The following ENTREP2 variants were observed in gnomAD, a reference collection of about 807,000 sequenced individuals.
ENTREP2 encodes the protein endosomal transmembrane epsin interactor 2, also known as protein ENTREP2.
At chr15:29,269,416 A>T in the ENTREP2 span, 1 of 1,614,142 alleles carries the variant, frequency 6.2e-7, no homozygotes, top group South Asian at 1.1e-5. Flanking sequence ...GTCTTTAATC[A>T]GCAAGAACTG....
the ENTREP2 span, among the ~76,000 whole-genome samples, chr15:29,356,026 C>T: frequency 6.6e-5 from 10 of 151,826 alleles, no homozygotes; most frequent in African/African-American, 9.7e-5. Flanking sequence ...CACTTACCTA[C>T]GAGGCAATGT....
chr15:29,626,003 C>A, the ENTREP2 span, among the ~76,000 whole-genome samples: 3 of 152,062 alleles, frequency 2.0e-5, no homozygotes, highest in East Asian at 5.8e-4. Context: ...TGTGCCACCA[C>A]ACTTGGCTAA....
At chr15:29,227,017 C>T in the ENTREP2 span, among the ~76,000 whole-genome samples, 1 of 152,234 alleles carries the variant, frequency 6.6e-6, no homozygotes, top group Non-Finnish European at 1.5e-5. Flanking sequence ...CTGTGAATAT[C>T]CTGCTCAGAT....
At chr15:29,158,978 A>C in the ENTREP2 span, among the ~76,000 whole-genome samples, 2 of 152,342 alleles carry the variant, frequency 1.3e-5, no homozygotes, top group East Asian at 3.9e-4. Context: ...AAGCGACAGC[A>C]ATGACAATGT....
the ENTREP2 span, among the ~76,000 whole-genome samples, chr15:29,572,205 CA>C: frequency 9.2e-5 from 14 of 152,186 alleles, no homozygotes; most frequent in Admixed American, 3.3e-4. Flanking sequence ...AAGGGATGAA[CA>C]GGGGGTAGGG....
the ENTREP2 span, among the ~76,000 whole-genome samples, chr15:29,335,151 G>A: frequency 6.6e-6 from 1 of 152,296 alleles, no homozygotes; most frequent in Admixed American, 6.5e-5. Flanking sequence ...ATCATGAAAA[G>A]TGGTTGCTTA....
chr15:29,407,553 C>A, the ENTREP2 span, among the ~76,000 whole-genome samples: 1 of 152,076 alleles, frequency 6.6e-6, no homozygotes, highest in Non-Finnish European at 1.5e-5. Flanking sequence ...GTCGAAGACC[C>A]AGGGAAGTCC....
chr15:29,334,769 T>C, the ENTREP2 span, among the ~76,000 whole-genome samples: 1 of 152,060 alleles, frequency 6.6e-6, no homozygotes, highest in Admixed American at 6.6e-5. Context: ...GGAGGCTGAG[T>C]TGTAAGAAGC....
the ENTREP2 span, among the ~76,000 whole-genome samples, chr15:29,300,151 AATGGATGG>A: frequency 3.6e-3 from 457 of 128,156 alleles, 7 homozygotes; most frequent in East Asian, 0.046. Context: ...ATGGATGGAT[AATGGATGG>A]ATGGATGGAT....
the ENTREP2 span, among the ~76,000 whole-genome samples, chr15:29,301,005 C>T: frequency 0.16 from 24,725 of 152,166 alleles, 3,373 homozygotes; most frequent in African/African-American, 0.38. Flanking sequence ...AAGTAAAAAA[C>T]ACTATTCATA....
At chr15:29,128,766 G>T in the ENTREP2 span, 1 of 1,540,630 alleles carries the variant, frequency 6.5e-7, no homozygotes, top group Non-Finnish European at 8.8e-7. Context: ...CCCCACTTCA[G>T]GAGCTGAAAG....
chr15:29,585,595 G>A, the ENTREP2 span, among the ~76,000 whole-genome samples: 2 of 152,162 alleles, frequency 1.3e-5, no homozygotes, highest in Admixed American at 6.5e-5. Flanking sequence ...GGTGGCTCAC[G>A]CCTGTAATTC....
chr15:29,675,258 A>T, the ENTREP2 span: 1 of 152,298 alleles, frequency 6.6e-6, no homozygotes, highest in Non-Finnish European at 1.5e-5. Flanking sequence ...CCACCCAGGC[A>T]CTTTCCGCCC....
chr15:29,267,191 A>T, the ENTREP2 span: 1 of 152,218 alleles, frequency 6.6e-6, no homozygotes, highest in Non-Finnish European at 1.5e-5. Context: ...TTTAAATGAC[A>T]TTCCGTCCAG....
the ENTREP2 span, among the ~76,000 whole-genome samples, chr15:29,372,246 T>G: frequency 1.6e-4 from 25 of 152,158 alleles, no homozygotes; most frequent in African/African-American, 6.0e-4. Context: ...CCTACTCAAC[T>G]GATGACGATG....
the ENTREP2 span, among the ~76,000 whole-genome samples, chr15:29,157,194 T>C: frequency 2.0e-5 from 3 of 152,068 alleles, no homozygotes; most frequent in Non-Finnish European, 2.9e-5. Context: ...TGGCAAATGG[T>C]TGGAAATTTG....
the ENTREP2 span, chr15:29,196,664 T>A: frequency 7.5e-7 from 1 of 1,340,856 alleles, no homozygotes; most frequent in African/African-American, 1.5e-5. Context: ...AATGGCTCAG[T>A]TCAAAGGAGC....
At chr15:29,334,280 G>A in the ENTREP2 span, among the ~76,000 whole-genome samples, 4 of 152,132 alleles carry the variant, frequency 2.6e-5, no homozygotes, top group Non-Finnish European at 5.9e-5. Flanking sequence ...ACACTTCAAG[G>A]TCCCTGTGCC....
the ENTREP2 span, among the ~76,000 whole-genome samples, chr15:29,147,070 T>A: frequency 6.6e-6 from 1 of 152,200 alleles, no homozygotes; most frequent in Non-Finnish European, 1.5e-5. Context: ...CTGAACTTCA[T>A]CCAAATTGAA....
Sources: allele counts gnomAD v4.1 joint callset (sites outside exome capture counted in the v4.1 genomes callset), GRCh38; gene constraint gnomAD v4.1.1; transcripts MANE v1.5; gene names NCBI Gene and HGNC (gene_info 2026-07-23, HGNC 2026-07-21).